Variants in PTPRN2 observed in about 807,000 individuals in gnomAD.
PTPRN2 encodes the protein protein tyrosine phosphatase receptor type N2, also known as receptor-type tyrosine-protein phosphatase N2.
PTPRN2 carries 74 observed loss-of-function variants against 118.8 expected under a neutral mutation model. The ratio of observed to expected loss-of-function variants is 0.62; its 90% CI spans 0.52 to 0.76. The LOEUF (loss-of-function observed/expected upper bound fraction) is 0.76, where lower values mean the gene tolerates loss of function less well. Ranked by LOEUF, PTPRN2 falls within the 30% of genes least tolerant of loss-of-function variation. PTPRN2 has a pLI of 0.00. For synonymous variants in PTPRN2, 641 were observed against 608.0 expected, an observed-to-expected ratio of 1.05 and a Z score of -0.80; for missense variants, 1,481 against 1,394.4, an observed-to-expected ratio of 1.06 and a Z score of -0.99.
At chr7:157,665,417 T>C (rs1441488992) in intron 13 of PTPRN2, among the ~76,000 whole-genome samples, 1 of 152,224 alleles carries the variant, frequency 6.6e-6, no homozygotes, top group African/African-American at 2.4e-5. Context: ...ATAACTCTTT[T>C]GATTGTAGAT....
chr7:157,830,781 A>G (rs963512265), intron 12 of PTPRN2, among the ~76,000 whole-genome samples: 1 of 152,246 alleles, frequency 6.6e-6, no homozygotes, highest in Non-Finnish European at 1.5e-5. Context: ...CCGAGATGTC[A>G]CAACAAAACA....
intron 21 of PTPRN2, among the ~76,000 whole-genome samples, chr7:157,556,786 CACA>C (rs894590338): frequency 4.7e-5 from 7 of 148,820 alleles, no homozygotes; most frequent in African/African-American, 7.5e-5. Flanking sequence ...TGCACACGCC[CACA>C]ACATGCACAT....
chr7:158,136,479 T>G (rs1047648795), intron 8 of PTPRN2, among the ~76,000 whole-genome samples, 176 bp downstream of exon 8: 4 of 152,240 alleles, frequency 2.6e-5, no homozygotes, highest in African/African-American at 9.6e-5. Flanking sequence ...TATCCAAATA[T>G]ACACACTTTT....
Position 157,681,476 on chromosome 7 carries a change from T to G in PTPRN2, c.2001+1249A>C, listed in dbSNP as rs559557525. ...CAACACATTTGAAGTTGCCATTTCT[T>G]TGTAAGAAAAAGATCGTCCTGACCG... On this transcript the variant is annotated intron_variant, in intron 13 of 22. Transcript: ENST00000389418. 1.9e-4 allele frequency among the ~76,000 whole-genome samples: 29 copies of G among 152,378 alleles called. No homozygotes were observed. In the South Asian group the frequency reaches 6.0e-3, roughly 32 times the overall value.
At chr7:157,637,524 T>C (rs1001767778) in intron 14 of PTPRN2, among the ~76,000 whole-genome samples, 1 of 152,164 alleles carries the variant, frequency 6.6e-6, no homozygotes, top group Non-Finnish European at 1.5e-5. Flanking sequence ...ACGATTTCTA[T>C]GCTTTGTGTG....
chr7:158,342,731 T>G (rs1173532182), intron 2 of PTPRN2, among the ~76,000 whole-genome samples: 1 of 152,020 alleles, frequency 6.6e-6, no homozygotes, highest in Admixed American at 6.6e-5. Context: ...AGAGGTTGGG[T>G]GCCTTGCTGG....
intron 9 of PTPRN2, among the ~76,000 whole-genome samples, chr7:158,132,534 A>G (rs1818436351): frequency 7.2e-6 from 1 of 138,270 alleles, no homozygotes; most frequent in African/African-American, 2.7e-5. Flanking sequence ...ACGTACACTC[A>G]TATACACACA....
intron 9 of PTPRN2, among the ~76,000 whole-genome samples, chr7:158,124,675 G>C (rs1817469096): frequency 6.6e-6 from 1 of 152,208 alleles, no homozygotes; most frequent in Non-Finnish European, 1.5e-5. Context: ...TCCCAGACGG[G>C]ACAGGTGCAG....
chr7:158,302,202 A>G (rs1586176249), intron 3 of PTPRN2, among the ~76,000 whole-genome samples: 1 of 152,304 alleles, frequency 6.6e-6, no homozygotes. Context: ...GGGACTCTGC[A>G]TCCTCTCCCC....
intron 12 of PTPRN2, among the ~76,000 whole-genome samples, chr7:157,772,292 C>CACACATACACACAAAGACAT (rs1563092036): frequency 3.3e-5 from 5 of 151,056 alleles, no homozygotes; most frequent in African/African-American, 1.2e-4. Flanking sequence ...GACACACAAA[C>CACACATACACACAAAGACAT]ACACAGACAT....
At chr7:157,933,960 G>A (rs1799553386) in intron 11 of PTPRN2, among the ~76,000 whole-genome samples, 1 of 152,188 alleles carries the variant, frequency 6.6e-6, no homozygotes, top group Admixed American at 6.5e-5. Context: ...GAGCAGGGGT[G>A]AGTCACTGAT....
intron 1 of PTPRN2, among the ~76,000 whole-genome samples, 190 bp from the exon 2 acceptor site, chr7:158,489,975 C>A (rs144026038): frequency 1.3e-5 from 2 of 152,214 alleles, no homozygotes; most frequent in East Asian, 1.9e-4. Flanking sequence ...CGGCCACGTG[C>A]GAGGCCTCCT....
chr7:158,319,452 GCACA>G (rs568209646), intron 2 of PTPRN2, among the ~76,000 whole-genome samples: 1,051 of 39,120 alleles, frequency 0.027, 126 homozygotes, highest in African/African-American at 0.096. Context: ...CCTCACACAC[GCACA>G]CAGCCTCCCT....
At chr7:158,063,496 C>G (rs1810517449) in intron 11 of PTPRN2, among the ~76,000 whole-genome samples, 1 of 152,170 alleles carries the variant, frequency 6.6e-6, no homozygotes, top group Non-Finnish European at 1.5e-5. Flanking sequence ...AAGCAGGCTG[C>G]CCGAGCCAGC....
chr7:157,602,629 G>A (rs148292699), intron 16 of PTPRN2, among the ~76,000 whole-genome samples: 3 of 150,046 alleles, frequency 2.0e-5, no homozygotes, highest in South Asian at 2.1e-4. Context: ...AGCGCCATCT[G>A]CCATCAGTGG....
intron 11 of PTPRN2, among the ~76,000 whole-genome samples, chr7:157,982,584 GA>G (rs1803358360): frequency 8.3e-6 from 1 of 121,178 alleles, no homozygotes; most frequent in African/African-American, 3.1e-5. Flanking sequence ...TCATAGAGAC[GA>G]GTAGGGGAAT....
intron 11 of PTPRN2, among the ~76,000 whole-genome samples, chr7:157,951,124 C>A (rs1800785135): frequency 1.3e-5 from 2 of 152,114 alleles, no homozygotes; most frequent in African/African-American, 4.8e-5. Context: ...CCCTCCCATG[C>A]CCCAGGTGCC....
At chr7:158,450,456 G>A (rs1010247467) in intron 2 of PTPRN2, among the ~76,000 whole-genome samples, 4 of 152,270 alleles carry the variant, frequency 2.6e-5, no homozygotes, top group East Asian at 1.9e-4. Context: ...AAAACGCATC[G>A]TATAGCAAAC....
At position 158,345,221 on chromosome 7, in the gene PTPRN2, G is replaced by C. The variant is rs563661116; in HGVS notation, c.164-28289C>G. 5.7e-4 allele frequency among the ~76,000 whole-genome samples: 87 copies of C among 152,266 alleles called. 2 individuals are homozygous for C. The South Asian group carries it at 0.018, about 31-fold the overall frequency. On this transcript the variant is annotated intron_variant, in intron 2 of 22. Coordinates refer to ENST00000389418, the MANE Select transcript of PTPRN2 (RefSeq NM_002847.5). ...CCAGCAGAGCCTTGAAACTAAAGAA[G>C]TCATCTGAGTGACTAGACGTTAACA... is the stretch of plus-strand genomic sequence containing the variant.
Sources: gnomAD v4.1 joint callset for allele counts (sites outside exome capture counted in the v4.1 genomes callset) on GRCh38, gnomAD v4.1.1 for gene constraint, MANE v1.5 for transcripts, NCBI Gene and HGNC (gene_info 2026-07-23, HGNC 2026-07-21) for gene names.